CHCHD6: variants seen among roughly 807,000 people sequenced by gnomAD.
CHCHD6 encodes the protein MICOS complex subunit MIC25.
CHCHD6 carries 28 observed loss-of-function variants against 32.3 expected under a neutral mutation model. The ratio of observed to expected loss-of-function variants is 0.87; its 90% confidence interval spans 0.64 to 1.19. CHCHD6 has a LOEUF of 1.19. Ranked by LOEUF, CHCHD6 falls within the 50% of genes most tolerant of loss-of-function variation. The pLI, the probability that CHCHD6 is intolerant of heterozygous loss-of-function variation, is 0.00. For missense variants in CHCHD6, 333 were observed against 307.0 expected (o/e 1.08, Z -0.63); for synonymous variants, 122 against 117.5 (o/e 1.04, Z -0.25).
In CHCHD6 at chr3:126,735,131, C is replaced by G. The variant is rs565199534; in HGVS notation, c.411+1909C>G. Among the ~76,000 whole-genome samples the G allele has an allele frequency of 3.3e-5, 5 of 152,200 alleles. No individual in the cohort carries two copies. The South Asian group carries it at 1.0e-3, about 32-fold the overall frequency. On this transcript the variant is annotated intron_variant, in intron 4 of 7. Coordinates refer to ENST00000290913, the MANE Select transcript of CHCHD6 (RefSeq NM_032343.3). ...AAGGACCCCTATCCTGGAGATGACGCGTTAATCAGTATGGCATGAGCAGGA... is the reference window on the plus strand; with the variant it reads ...AAGGACCCCTATCCTGGAGATGACGGGTTAATCAGTATGGCATGAGCAGGA...
At chr3:126,747,811 G>A (rs1936564804) in intron 4 of CHCHD6, among the ~76,000 whole-genome samples, 1 of 152,112 alleles carries the variant, frequency 6.6e-6, no homozygotes, top group South Asian at 2.1e-4. Context: ...TTCCAGCCTT[G>A]GGTGAACCCC....
intron 6 of CHCHD6, among the ~76,000 whole-genome samples, chr3:126,922,361 G>A (rs887501063): frequency 6.6e-5 from 10 of 152,178 alleles, no homozygotes; most frequent in African/African-American, 1.9e-4. Context: ...AAACAGGGAC[G>A]ATGGTGGTGC....
chr3:126,746,671 T>C (rs897253772), intron 4 of CHCHD6, among the ~76,000 whole-genome samples: 1 of 152,218 alleles, frequency 6.6e-6, no homozygotes, highest in Admixed American at 6.5e-5. Flanking sequence ...TACACCGCCA[T>C]GTCACATGTG....
At chr3:126,897,781 A>G (rs1026948396) in intron 5 of CHCHD6, among the ~76,000 whole-genome samples, 8 of 151,934 alleles carry the variant, frequency 5.3e-5, no homozygotes, top group African/African-American at 1.9e-4. Flanking sequence ...TTGGCTCCCC[A>G]TTTGCTCTGC....
chr3:126,891,639 G>C (rs1483246638), intron 5 of CHCHD6, among the ~76,000 whole-genome samples: 1 of 152,174 alleles, frequency 6.6e-6, no homozygotes, highest in African/African-American at 2.4e-5. Context: ...TCCATTAGGA[G>C]GTGGCTGTTT....
chr3:126,759,615 C>T (rs1937088627), intron 4 of CHCHD6, among the ~76,000 whole-genome samples: 1 of 152,172 alleles, frequency 6.6e-6, no homozygotes, highest in African/African-American at 2.4e-5. Context: ...ATCTTTTCCT[C>T]ATGATGAGGT....
At chr3:126,885,190 C>T (rs972534936) in intron 5 of CHCHD6, among the ~76,000 whole-genome samples, 1 of 152,212 alleles carries the variant, frequency 6.6e-6, no homozygotes, top group Admixed American at 6.5e-5. Flanking sequence ...ACAATGCTGG[C>T]TGGTCCTTCC....
chr3:126,767,794 G>A (rs186002413), intron 4 of CHCHD6, among the ~76,000 whole-genome samples: 131 of 152,156 alleles, frequency 8.6e-4, no homozygotes, highest in African/African-American at 2.3e-3. Context: ...TCCCCTCCTA[G>A]TATCCAAGTG....
intron 6 of CHCHD6, among the ~76,000 whole-genome samples, chr3:126,956,755 G>A (rs138129302): frequency 2.0e-5 from 3 of 152,096 alleles, no homozygotes; most frequent in African/African-American, 4.8e-5. Context: ...ACTTTTGTGG[G>A]TTCTAAAACT....
At chr3:126,846,506 A>T (rs1181770093) in intron 4 of CHCHD6, among the ~76,000 whole-genome samples, 1 of 152,236 alleles carries the variant, frequency 6.6e-6, no homozygotes, top group Non-Finnish European at 1.5e-5. Flanking sequence ...TAAGTACTTC[A>T]CAATCAAGCT....
chr3:126,924,852 G>A (rs1236383639), intron 6 of CHCHD6, among the ~76,000 whole-genome samples: 7 of 152,204 alleles, frequency 4.6e-5, no homozygotes, highest in South Asian at 2.1e-4. Context: ...TCTTGGGTCA[G>A]AAACCCAGCA....
At chr3:126,942,995 T>C (rs1215056283) in intron 6 of CHCHD6, among the ~76,000 whole-genome samples, 1 of 152,236 alleles carries the variant, frequency 6.6e-6, no homozygotes, top group Non-Finnish European at 1.5e-5. Flanking sequence ...CTCTCTCTCC[T>C]TTTCCATGTG....
At chr3:126,914,438 C>T (rs772274080) in intron 5 of CHCHD6, among the ~76,000 whole-genome samples, 7 of 152,210 alleles carry the variant, frequency 4.6e-5, no homozygotes, top group Admixed American at 1.3e-4. Flanking sequence ...GCCCGTGGAT[C>T]GTGGTCTGCC....
At position 126,781,583 on chromosome 3, in the gene CHCHD6, G is replaced by C. The variant is rs115274384; in HGVS notation, c.411+48361G>C. Among the ~76,000 whole-genome samples, 1,161 of 152,334 alleles carry C rather than the reference G, an allele frequency of 7.6e-3. 14 individuals are homozygous for C. The highest frequency in any genetic ancestry group is 0.027 in the African/African-American group (1,115 of 41,568). On this transcript the variant is annotated intron_variant, in intron 4 of 7. Coordinates refer to ENST00000290913, the MANE Select transcript of CHCHD6 (RefSeq NM_032343.3). ...GTCCAGTTGAGCAGCTGGGCATCAG[G>C]CGAGGGGTCAGGACTGGAGCAAGGG...
intron 4 of CHCHD6, among the ~76,000 whole-genome samples, chr3:126,758,221 A>T (rs1337805271): frequency 6.6e-6 from 1 of 152,254 alleles, no homozygotes; most frequent in African/African-American, 2.4e-5. Flanking sequence ...TTCTGTGGCC[A>T]TCAGCGCCCA....
At chr3:126,913,207 CTTTTTTTTTTTTTTTTTTTT>C (rs546179022) in intron 5 of CHCHD6, among the ~76,000 whole-genome samples, 13 of 33,786 alleles carry the variant, frequency 3.8e-4, no homozygotes, top group Admixed American at 5.1e-4. Flanking sequence ...CCGTATGAGC[CTTTTTTTTTTTTTTTTTTTT>C]TTTTTTTTTT....
rs183299673 is a variant in CHCHD6, at chr3:126,875,522, A to G, written c.495+22792A>G. 1.5e-3 allele frequency among the ~76,000 whole-genome samples: 225 copies of G among 152,312 alleles called. 2 individuals carry two copies. Among genetic ancestry groups the G allele is most frequent in the Non-Finnish European group, 6.0e-4 (41 of 68,010 alleles). On this transcript the variant is annotated intron_variant, in intron 5 of 7. Coordinates refer to ENST00000290913, the MANE Select transcript of CHCHD6 (RefSeq NM_032343.3). ...AGAGCTTCCCTCAGAAATTTGGAAC[A>G]CCAGGGGCAGAGGGGAAAGAGCTGG... is the stretch of plus-strand genomic sequence containing the variant.
chr3:126,816,675 C>T (rs1175728926), intron 4 of CHCHD6, among the ~76,000 whole-genome samples: 1 of 152,136 alleles, frequency 6.6e-6, no homozygotes, highest in Non-Finnish European at 1.5e-5. Flanking sequence ...TCTTACTTCA[C>T]ATGCACCAGG....
intron 4 of CHCHD6, among the ~76,000 whole-genome samples, chr3:126,838,062 G>T (rs1940933275): frequency 6.6e-6 from 1 of 152,186 alleles, no homozygotes; most frequent in Admixed American, 6.5e-5. Context: ...GCAGCCTGCA[G>T]GTGGAGATTT....
Sources: gnomAD v4.1 joint callset for allele counts (sites outside exome capture counted in the v4.1 genomes callset) on GRCh38, gnomAD v4.1.1 for gene constraint, MANE v1.5 for transcripts, NCBI Gene and HGNC (gene_info 2026-07-23, HGNC 2026-07-21) for gene names.